The following COLEC12 variants were observed in gnomAD, a reference collection of about 807,000 sequenced individuals.
COLEC12 encodes the protein collectin-12.
Under a neutral mutation model 71.1 loss-of-function variants are expected in COLEC12, and 33 were observed. The observed-to-expected ratio is 0.46, with a 90% CI of 0.35 to 0.62. The LOEUF (loss-of-function observed/expected upper bound fraction) is 0.62. Ranked by LOEUF, COLEC12 falls within the 20% of genes least tolerant of loss-of-function variation. The pLI is 0.00. For missense variants in COLEC12, 765 were observed against 916.1 expected (o/e 0.84, Z 2.13); for synonymous variants, 350 against 353.0 (o/e 0.99, Z 0.10).
intron 8 of COLEC12, among the ~76,000 whole-genome samples, chr18:331,188 C>T (rs556755966): frequency 6.6e-6 from 1 of 152,236 alleles, no homozygotes; most frequent in South Asian, 2.1e-4. Context: ...TGTGCCCAGC[C>T]AGGAAAATTA....
intron 1 of COLEC12, among the ~76,000 whole-genome samples, chr18:495,502 G>A (rs572126419): frequency 3.3e-5 from 5 of 152,260 alleles, no homozygotes; most frequent in South Asian, 2.1e-4. Context: ...TTCAATCAGC[G>A]GTAAGCAAAA....
At chr18:450,203 T>C (rs1480560019) in intron 2 of COLEC12, among the ~76,000 whole-genome samples, 1 of 152,204 alleles carries the variant, frequency 6.6e-6, no homozygotes, top group Non-Finnish European at 1.5e-5. Flanking sequence ...CTTTTGGTTC[T>C]CCTTCCAGCT....
At position 334,795 on chromosome 18, in the gene COLEC12, G is replaced by C. The variant is rs377719221; in HGVS notation, c.1763C>G (p.Ala588Gly). 1 of 1,497,266 alleles carries C rather than the reference G, an allele frequency of 6.7e-7. No homozygotes were observed. Among genetic ancestry groups the C allele is most frequent in the African/African-American group, 1.5e-5 (1 of 68,702 alleles). The allele number at this position is 1,497,266 out of a possible 1,614,324, so 92.7% of individuals were successfully genotyped here. Residue 588 changes from alanine (A) to glycine (G), a missense_variant, in exon 6 of 10, where the codon GCG becomes GGG. Ala to Gly is a moderately conservative substitution (Grantham distance 60, BLOSUM62 0). Transcript: ENST00000400256. The part of the protein sequence containing the change: ...GPPGPPGPSG[A>G]VVPLALQNEP... Reference sequence around the variant, plus strand: ...ATTCTGCAGGGCCAGGGGCACCACCGCTCCTGATGGGCCAGGAGGGCCGGG... The same window carrying C: ...ATTCTGCAGGGCCAGGGGCACCACCCCTCCTGATGGGCCAGGAGGGCCGGG...
At chr18:417,112 TAA>T (rs79772793) in intron 2 of COLEC12, among the ~76,000 whole-genome samples, 52,492 of 151,752 alleles carry the variant, frequency 0.35, 9,334 homozygotes, top group South Asian at 0.51. Flanking sequence ...AATGCATGGT[TAA>T]GTGATTTCAT....
At chr18:337,811 G>C (rs1462455653) in intron 5 of COLEC12, among the ~76,000 whole-genome samples, 2 of 152,124 alleles carry the variant, frequency 1.3e-5, no homozygotes, top group South Asian at 2.1e-4. Flanking sequence ...TGCTGTGCGT[G>C]TTCTCCTTCC....
At chr18:377,058 G>A (rs112686038) in intron 2 of COLEC12, among the ~76,000 whole-genome samples, 2 of 152,224 alleles carry the variant, frequency 1.3e-5, no homozygotes, top group East Asian at 1.9e-4. Flanking sequence ...TCCCCTGCAC[G>A]TGTCATTGCT....
At chr18:371,202 C>T (rs902542290) in intron 2 of COLEC12, among the ~76,000 whole-genome samples, 2 of 152,168 alleles carry the variant, frequency 1.3e-5, no homozygotes, top group Admixed American at 1.3e-4. Context: ...AGCAAAAGAA[C>T]ATATACTACA....
chr18:417,672 C>T (rs917837061), intron 2 of COLEC12, among the ~76,000 whole-genome samples: 6 of 152,262 alleles, frequency 3.9e-5, no homozygotes, highest in South Asian at 2.1e-4. Flanking sequence ...GTGGAGCCAG[C>T]GTTAGAAACA....
At chr18:326,669 T>C (rs1056986455) in intron 8 of COLEC12, among the ~76,000 whole-genome samples, 17 of 152,210 alleles carry the variant, frequency 1.1e-4, no homozygotes, top group Admixed American at 1.1e-3. Flanking sequence ...GGCTTTTTTT[T>C]AAATTTATTG....
At position 320,331 on chromosome 18, in the gene COLEC12, A is replaced by G. The variant is rs544519576; in HGVS notation, c.2210-267T>C. Among the ~76,000 whole-genome samples, 90 of 152,296 alleles carry G rather than the reference A, an allele frequency of 5.9e-4. No homozygotes were observed. In the Middle Eastern group the frequency reaches 0.014, roughly 23 times the overall value. ...CCCAAATGGCCAAACAAAGCATACA[A>G]AAGACAAATCTGAGTTACTTGTCAC... is the stretch of plus-strand genomic sequence containing the variant. On this transcript the variant is annotated intron_variant, in intron 9 of 9. Transcript: ENST00000400256.
chr18:331,023 G>A (rs1214129894), intron 8 of COLEC12, among the ~76,000 whole-genome samples: 4 of 151,870 alleles, frequency 2.6e-5, no homozygotes, highest in Non-Finnish European at 4.4e-5. Flanking sequence ...GGCATCACCC[G>A]CATGCGCCAC....
chr18:356,628 A>G (rs551026347), intron 3 of COLEC12, among the ~76,000 whole-genome samples: 3 of 152,294 alleles, frequency 2.0e-5, no homozygotes, highest in African/African-American at 7.2e-5. Flanking sequence ...TCTGAAACCA[A>G]ATGGCCGTGT....
chr18:472,116 A>G (rs994414754), intron 2 of COLEC12, among the ~76,000 whole-genome samples: 11 of 152,326 alleles, frequency 7.2e-5, no homozygotes, highest in African/African-American at 2.6e-4. Flanking sequence ...CAAGAACCCT[A>G]CAGGCAGACA....
chr18:432,379 A>G (rs1916321196), intron 2 of COLEC12, among the ~76,000 whole-genome samples: 1 of 152,104 alleles, frequency 6.6e-6, no homozygotes. Context: ...TAGAAAAGGA[A>G]CCGATGTCTA....
chr18:326,380 C>G (rs568994555), intron 8 of COLEC12, among the ~76,000 whole-genome samples: 2 of 152,264 alleles, frequency 1.3e-5, no homozygotes, highest in Middle Eastern at 3.4e-3. Context: ...TGGAGTCTCG[C>G]TCTGTCACCC....
chr18:491,049 C>T (rs1474777532), intron 1 of COLEC12, among the ~76,000 whole-genome samples: 1 of 152,174 alleles, frequency 6.6e-6, no homozygotes, highest in African/African-American at 2.4e-5. Flanking sequence ...GCTTCCAAAC[C>T]AGCTGGTTGA....
At chr18:385,235 A>C (rs1184872256) in intron 2 of COLEC12, among the ~76,000 whole-genome samples, 1 of 151,570 alleles carries the variant, frequency 6.6e-6, no homozygotes, top group East Asian at 1.9e-4. Flanking sequence ...AATAGCATCC[A>C]CTTCTTTACA....
At chr18:320,327 T>C (rs990959613) in intron 9 of COLEC12, among the ~76,000 whole-genome samples, 1 of 152,198 alleles carries the variant, frequency 6.6e-6, no homozygotes, top group Non-Finnish European at 1.5e-5. Flanking sequence ...AAACAAAGCA[T>C]ACAAAAGACA....
At chr18:354,095 T>C (rs540361582) in intron 3 of COLEC12, among the ~76,000 whole-genome samples, 179 of 152,348 alleles carry the variant, frequency 1.2e-3, no homozygotes, top group African/African-American at 4.1e-3. Context: ...GAAAGGATAA[T>C]GGAGTAGGAT....
Sources: allele counts gnomAD v4.1 joint callset (sites outside exome capture counted in the v4.1 genomes callset), GRCh38; gene constraint gnomAD v4.1.1; transcripts MANE v1.5; gene names NCBI Gene and HGNC (gene_info 2026-07-23, HGNC 2026-07-21).